Variants in HPGDS observed in about 807,000 individuals in gnomAD.
HPGDS encodes GST class-sigma.
Under a neutral mutation model 23.1 loss-of-function variants are expected in HPGDS, and 26 were observed. The observed-to-expected ratio is 1.13, with a 90% CI of 0.83 to 1.56. The LOEUF is 1.56. HPGDS is among the 40% of genes most tolerant of loss of function. HPGDS has a pLI of 0.00. For synonymous variants in HPGDS, 95 were observed against 77.9 expected, an observed-to-expected ratio of 1.22 and a Z score of -1.16; for missense variants, 268 against 236.4, an observed-to-expected ratio of 1.13 and a Z score of -0.88.
rs905949687 is a variant in HPGDS, at chr4:94,323,783, T to A, written c.134-5818A>T. 2.6e-5 allele frequency among the ~76,000 whole-genome samples: 4 copies of A among 152,188 alleles called. No homozygotes were observed. The South Asian group carries it at 8.3e-4, about 32-fold the overall frequency. On this transcript the variant is annotated intron_variant, in intron 2 of 5. Coordinates refer to ENST00000295256, the MANE Select transcript of HPGDS (RefSeq NM_014485.3). ...TTTACATTTAAGGTTAATATTGTTA[T>A]GTGTGAATTTGATCCAGTCATTATA...
chr4:94,321,677 G>C (rs184364267), intron 2 of HPGDS, among the ~76,000 whole-genome samples: 1 of 152,146 alleles, frequency 6.6e-6, no homozygotes, highest in Admixed American at 6.5e-5. Flanking sequence ...AGATGATGGG[G>C]TTTTCTAAAT....
At chr4:94,318,369 C>T (rs1331604285) in intron 2 of HPGDS, among the ~76,000 whole-genome samples, 1 of 152,080 alleles carries the variant, frequency 6.6e-6, no homozygotes, top group Non-Finnish European at 1.5e-5. Context: ...AGAACTTAGC[C>T]ATAGCCTTTT....
chr4:94,306,174 C>G (rs1173099346), intron 4 of HPGDS, among the ~76,000 whole-genome samples: 1 of 151,984 alleles, frequency 6.6e-6, no homozygotes, highest in African/African-American at 2.4e-5. Flanking sequence ...ATTCCTACCC[C>G]ACGATGCATC....
chr4:94,325,015 TC>T (rs1243951338), intron 2 of HPGDS, among the ~76,000 whole-genome samples: 2 of 152,210 alleles, frequency 1.3e-5, no homozygotes, highest in Admixed American at 1.3e-4. Context: ...AACAGTCAGG[TC>T]CCTCAGCTGC....
At chr4:94,320,176 G>T (rs576780681) in intron 2 of HPGDS, among the ~76,000 whole-genome samples, 1 of 152,134 alleles carries the variant, frequency 6.6e-6, no homozygotes, top group Non-Finnish European at 1.5e-5. Flanking sequence ...GGACATTTGG[G>T]TTGGTTCCAA....
At chr4:94,338,906 A>G (rs528187588) in intron 1 of HPGDS, among the ~76,000 whole-genome samples, 1 of 152,366 alleles carries the variant, frequency 6.6e-6, no homozygotes, top group South Asian at 2.1e-4. Flanking sequence ...GGACCAAAAT[A>G]GCCAAGACAA....
At chr4:94,321,761 C>A (rs999775271) in intron 2 of HPGDS, among the ~76,000 whole-genome samples, 1 of 152,138 alleles carries the variant, frequency 6.6e-6, no homozygotes, top group African/African-American at 2.4e-5. Context: ...TTATTTCTTT[C>A]TCTTGCCTGA....
At chr4:94,309,256 G>A (rs1159414810) in intron 3 of HPGDS, among the ~76,000 whole-genome samples, 3 of 150,688 alleles carry the variant, frequency 2.0e-5, no homozygotes, top group South Asian at 4.2e-4. Context: ...ATCTCCTAAT[G>A]CTATCCCTCC....
At chr4:94,301,640 T>C (rs1756042198) in intron 5 of HPGDS, among the ~76,000 whole-genome samples, 1 of 152,122 alleles carries the variant, frequency 6.6e-6, no homozygotes, top group South Asian at 2.1e-4. Flanking sequence ...CTCAGTGACA[T>C]CAACACAATT....
chr4:94,318,016 T>C (rs1303686975), intron 2 of HPGDS, 51 bp from the exon 3 acceptor site: 1 of 995,818 alleles, frequency 1.0e-6, no homozygotes, highest in Non-Finnish European at 1.6e-6. Context: ...CCAGAAGTTA[T>C]ATTACTTCCA....
At chr4:94,332,550 C>T (rs1242513030) in intron 2 of HPGDS, among the ~76,000 whole-genome samples, 1 of 152,210 alleles carries the variant, frequency 6.6e-6, no homozygotes, top group Non-Finnish European at 1.5e-5. Context: ...GCTGCAGGGC[C>T]CACACAGAGC....
At chr4:94,333,962 G>A (rs973743799) in intron 2 of HPGDS, among the ~76,000 whole-genome samples, 3 of 152,208 alleles carry the variant, frequency 2.0e-5, no homozygotes, top group African/African-American at 7.2e-5. Flanking sequence ...CACCAGAGAA[G>A]AGGTCTCTGC....
rs1163926080 is a variant in HPGDS at position 94,314,579 on chromosome 4, A to C, written c.226+3294T>G. Among the ~76,000 whole-genome samples the C allele has an allele frequency of 4.6e-5, 7 of 152,254 alleles. 1 individual carries two copies. Among genetic ancestry groups the C allele is most frequent in the Admixed American group, 4.6e-4 (7 of 15,296 alleles). ...GGGGTGCCTCCCAGTTAGGCTACTCAGGGGTCAGAGACCCACTTGAGGAGG... is the reference window on the plus strand; with the variant it reads ...GGGGTGCCTCCCAGTTAGGCTACTCCGGGGTCAGAGACCCACTTGAGGAGG... On this transcript the variant is annotated intron_variant, in intron 3 of 5. Coordinates refer to ENST00000295256, the MANE Select transcript of HPGDS (RefSeq NM_014485.3).
chr4:94,327,435 G>A (rs1192060276), intron 2 of HPGDS, among the ~76,000 whole-genome samples: 1 of 152,104 alleles, frequency 6.6e-6, no homozygotes, highest in Non-Finnish European at 1.5e-5. Context: ...AATGTGCTTG[G>A]GTGCCAGTGG....
intron 1 of HPGDS, among the ~76,000 whole-genome samples, chr4:94,339,817 T>C (rs1044109711): frequency 6.6e-6 from 1 of 152,136 alleles, no homozygotes; most frequent in Admixed American, 6.5e-5. Flanking sequence ...TGGGAGATAA[T>C]TGAATCATGG....
intron 1 of HPGDS, among the ~76,000 whole-genome samples, chr4:94,340,293 C>A (rs1334780291): frequency 2.7e-5 from 1 of 36,806 alleles, no homozygotes; most frequent in Non-Finnish European, 5.5e-5. Flanking sequence ...TTCTTTCTTT[C>A]TTTCTTTCTT....
At chr4:94,302,760 G>C (rs1168011975) in intron 4 of HPGDS, among the ~76,000 whole-genome samples, 18 of 152,010 alleles carry the variant, frequency 1.2e-4, no homozygotes, top group Admixed American at 6.6e-5. Context: ...CTACCATTGT[G>C]CCTCATTATC....
At chr4:94,327,570 G>T (rs62320439) in intron 2 of HPGDS, among the ~76,000 whole-genome samples, 3 of 152,030 alleles carry the variant, frequency 2.0e-5, no homozygotes, top group South Asian at 2.1e-4. Flanking sequence ...GCTGGTCCCC[G>T]GGCTTCATAA....
At chr4:94,325,499 C>T (rs1052015263) in intron 2 of HPGDS, among the ~76,000 whole-genome samples, 4 of 152,190 alleles carry the variant, frequency 2.6e-5, no homozygotes, top group Non-Finnish European at 4.4e-5. Context: ...GCAGACACCC[C>T]TCCCCCAGCT....
Sources: gnomAD v4.1 joint callset for allele counts (sites outside exome capture counted in the v4.1 genomes callset) on GRCh38, gnomAD v4.1.1 for gene constraint, MANE v1.5 for transcripts, NCBI Gene and HGNC (gene_info 2026-07-23, HGNC 2026-07-21) for gene names.